Variants in SPAG16 observed in about 807,000 individuals in gnomAD.
The protein encoded by SPAG16 is sperm associated antigen 16, also known as sperm-associated antigen 16 protein.
A neutral mutation model predicts 80.4 loss-of-function variants in SPAG16; 86 were observed. The observed-to-expected ratio is 1.07, with a 90% confidence interval of 0.90 to 1.28. The LOEUF (loss-of-function observed/expected upper bound fraction) is 1.28. Among genes scored for constraint, SPAG16 ranks in the 50% most tolerant of loss-of-function variants. SPAG16 has a pLI of 0.00. For synonymous variants in SPAG16, 294 were observed against 265.9 expected (o/e 1.11, Z -1.03); for missense variants, 870 against 765.3 (o/e 1.14, Z -1.61).
intron 15 of SPAG16, among the ~76,000 whole-genome samples, chr2:214,317,277 T>C (rs1051376006): frequency 2.6e-5 from 4 of 152,230 alleles, no homozygotes; most frequent in African/African-American, 9.6e-5. Context: ...ACTTCCGGCC[T>C]AATGTTCTTT....
intron 15 of SPAG16, among the ~76,000 whole-genome samples, chr2:214,149,586 G>T (rs758369307): frequency 6.6e-6 from 1 of 151,930 alleles, no homozygotes; most frequent in Non-Finnish European, 1.5e-5. Flanking sequence ...AAGCAAATTC[G>T]ATTTTCTAAA....
At chr2:213,397,442 T>C (rs1307617589) in intron 9 of SPAG16, among the ~76,000 whole-genome samples, 1 of 152,190 alleles carries the variant, frequency 6.6e-6, no homozygotes, top group African/African-American at 2.4e-5. Context: ...TCTCATGTCA[T>C]CAGATTTGCC....
chr2:213,597,914 C>G (rs1335050433), intron 10 of SPAG16, among the ~76,000 whole-genome samples: 1 of 152,160 alleles, frequency 6.6e-6, no homozygotes, highest in Non-Finnish European at 1.5e-5. Context: ...GAGGCTCTCC[C>G]TTTTTCAATT....
chr2:213,626,881 C>G (rs1350442626), intron 10 of SPAG16, among the ~76,000 whole-genome samples: 3 of 152,048 alleles, frequency 2.0e-5, no homozygotes, highest in African/African-American at 7.2e-5. Context: ...CTCCTGACCT[C>G]AGGTGATCCT....
chr2:214,251,668 T>A (rs991970860), intron 15 of SPAG16, among the ~76,000 whole-genome samples: 5 of 152,176 alleles, frequency 3.3e-5, no homozygotes, highest in African/African-American at 1.2e-4. Flanking sequence ...TCAAGAACAA[T>A]GTCACTGCAT....
chr2:214,013,881 T>C (rs912131337), intron 12 of SPAG16, 70 bp from the exon 13 acceptor site: 1 of 1,449,578 alleles, frequency 6.9e-7, no homozygotes, highest in Admixed American at 2.3e-5. Flanking sequence ...GTTCCTTAAA[T>C]TATTTTTATT....
chr2:214,336,598 A>G (rs1024015190), intron 15 of SPAG16, among the ~76,000 whole-genome samples: 1 of 152,130 alleles, frequency 6.6e-6, no homozygotes, highest in African/African-American at 2.4e-5. Flanking sequence ...GCATTTTTGA[A>G]TACTTTGGAG....
chr2:214,149,099 A>C lies in SPAG16; in HGVS notation c.1594-41A>C, dbSNP rs537681510. 3 of 933,570 alleles carry C rather than the reference A, an allele frequency of 3.2e-6. No individual in the cohort carries two copies. In the Admixed American group the frequency reaches 7.8e-5, roughly 24 times the overall value. The allele number at this position is 933,570 out of a possible 1,614,324, so 57.8% of individuals were successfully genotyped here. A position where few individuals can be genotyped will look rare whatever the true frequency, so the allele number is the denominator to read the frequency against. ...TGTGTATATATATATATATATATAC[A>C]TACATACACATTTTATTTTTGTTTA... On this transcript the variant is annotated intron_variant, in intron 14 of 15. Coordinates refer to ENST00000331683, the MANE Select transcript of SPAG16 (RefSeq NM_024532.5).
At chr2:214,281,982 C>T (rs1559179173) in intron 15 of SPAG16, among the ~76,000 whole-genome samples, 1 of 152,134 alleles carries the variant, frequency 6.6e-6, no homozygotes, top group East Asian at 1.9e-4. Flanking sequence ...GAAAGCACAT[C>T]AGTGGCTTCC....
chr2:213,721,460 T>C (rs2066532702), intron 10 of SPAG16, among the ~76,000 whole-genome samples: 1 of 152,240 alleles, frequency 6.6e-6, no homozygotes, highest in Non-Finnish European at 1.5e-5. Context: ...TAAGTGCTTA[T>C]ATTTTATATT....
chr2:213,938,748 A>G (rs1232240100), intron 12 of SPAG16, among the ~76,000 whole-genome samples: 1 of 152,224 alleles, frequency 6.6e-6, no homozygotes, highest in East Asian at 1.9e-4. Context: ...TAAACTGGTT[A>G]CTAAATATAA....
intron 9 of SPAG16, among the ~76,000 whole-genome samples, chr2:213,401,882 A>T (rs1268265399): frequency 6.6e-6 from 1 of 152,106 alleles, no homozygotes; most frequent in African/African-American, 2.4e-5. Context: ...GTTTGCTCTG[A>T]AAAAATTTAG....
At chr2:214,181,383 A>G (rs1256675138) in intron 15 of SPAG16, among the ~76,000 whole-genome samples, 1 of 151,780 alleles carries the variant, frequency 6.6e-6, no homozygotes, top group Non-Finnish European at 1.5e-5. Context: ...ACTTGACATG[A>G]CAGAAAGTAT....
intron 15 of SPAG16, among the ~76,000 whole-genome samples, chr2:214,368,642 G>T (rs1035247937): frequency 6.6e-6 from 1 of 151,912 alleles, no homozygotes; most frequent in Admixed American, 6.6e-5. Flanking sequence ...ATAGTACCTA[G>T]TCCATAGTTA....
At chr2:213,730,100 G>A (rs1352817285) in intron 10 of SPAG16, among the ~76,000 whole-genome samples, 1 of 152,144 alleles carries the variant, frequency 6.6e-6, no homozygotes, top group Non-Finnish European at 1.5e-5. Context: ...ATATCCAGTG[G>A]CCTAAATCAC....
At chr2:214,051,040 C>T (rs1042285114) in intron 13 of SPAG16, among the ~76,000 whole-genome samples, 9 of 152,130 alleles carry the variant, frequency 5.9e-5, no homozygotes, top group Non-Finnish European at 2.9e-5. Flanking sequence ...TTTTTTGAAC[C>T]ATGCAATCAT....
At chr2:213,298,673 G>A (rs1285177596) in intron 3 of SPAG16, among the ~76,000 whole-genome samples, 1 of 152,236 alleles carries the variant, frequency 6.6e-6, no homozygotes, top group African/African-American at 2.4e-5. Flanking sequence ...TCAGAGGAAA[G>A]TTGAGGAAGA....
intron 10 of SPAG16, among the ~76,000 whole-genome samples, chr2:213,730,584 T>C (rs538792550): frequency 1.2e-4 from 19 of 152,334 alleles, no homozygotes; most frequent in Non-Finnish European, 2.6e-4. Context: ...TCTCTATAGA[T>C]AAGGCATTAT....
intron 9 of SPAG16, among the ~76,000 whole-genome samples, chr2:213,458,815 A>G (rs2072191354): frequency 6.6e-6 from 1 of 152,088 alleles, no homozygotes. Context: ...ATATATCTAT[A>G]TTTCCCTCTG....
Sources: allele counts gnomAD v4.1 joint callset (sites outside exome capture counted in the v4.1 genomes callset), GRCh38; gene constraint gnomAD v4.1.1; transcripts MANE v1.5; gene names NCBI Gene and HGNC (gene_info 2026-07-23, HGNC 2026-07-21).